RAB12: variants seen among roughly 807,000 people sequenced by gnomAD.
The protein encoded by RAB12 is ras-related protein Rab-12.
Under a neutral mutation model 28.4 loss-of-function variants are expected in RAB12, and 11 were observed. The ratio of observed to expected loss-of-function variants is 0.39; its 90% CI spans 0.24 to 0.64. RAB12 has a LOEUF of 0.64. Among genes scored for constraint, RAB12 ranks in the 30% least tolerant of loss-of-function variants. The probability of loss-of-function intolerance (pLI) is 0.50; values close to 1 mark genes in which losing one functional copy is unlikely to be tolerated. For synonymous variants in RAB12, 138 were observed against 145.3 expected (o/e 0.95, Z 0.36); for missense variants, 276 against 351.1 (o/e 0.79, Z 1.71).
At chr18:8,623,769 A>G (rs1042655864) in intron 1 of RAB12, among the ~76,000 whole-genome samples, 1 of 152,262 alleles carries the variant, frequency 6.6e-6, no homozygotes, top group African/African-American at 2.4e-5. Flanking sequence ...AAGAATTGAC[A>G]TGGAGTAGTG....
intron 1 of RAB12, among the ~76,000 whole-genome samples, chr18:8,623,000 T>C (rs1213657939): frequency 6.6e-6 from 1 of 152,202 alleles, no homozygotes; most frequent in Non-Finnish European, 1.5e-5. Context: ...CCCTGAACAT[T>C]GCTGTTATCC....
chr18:8,634,906 T>C (rs547602154), intron 3 of RAB12, among the ~76,000 whole-genome samples: 1 of 152,374 alleles, frequency 6.6e-6, no homozygotes, highest in East Asian at 1.9e-4. Flanking sequence ...ATTGTACCTA[T>C]ATGTATTTTT....
chr18:8,627,202 G>A (rs1028449637), intron 2 of RAB12, among the ~76,000 whole-genome samples: 1 of 152,206 alleles, frequency 6.6e-6, no homozygotes, highest in African/African-American at 2.4e-5. Context: ...GCTTTGTTGT[G>A]GGCGTGTTGT....
chr18:8,630,462 C>T (rs1429379477), intron 2 of RAB12, among the ~76,000 whole-genome samples: 4 of 152,172 alleles, frequency 2.6e-5, no homozygotes, highest in South Asian at 4.1e-4. Flanking sequence ...AGAGACTAAA[C>T]GTTTCTTACC....
chr18:8,636,146 A>G (rs2096018764), intron 4 of RAB12, 107 bp from the exon 5 acceptor site: 2 of 730,002 alleles, frequency 2.7e-6, no homozygotes, highest in Non-Finnish European at 4.9e-6. Flanking sequence ...GGGACTTTCT[A>G]CCCCTTAATC....
At chr18:8,626,026 A>T (rs556735613) in intron 2 of RAB12, among the ~76,000 whole-genome samples, 32 of 152,324 alleles carry the variant, frequency 2.1e-4, no homozygotes, top group Non-Finnish European at 3.8e-4. Flanking sequence ...CCTTCACTGT[A>T]TAACACACTT....
chr18:8,638,153 C>T lies in RAB12; in HGVS notation c.914C>T (p.Pro305Leu). 1 of 1,608,472 alleles carries T rather than the reference C, an allele frequency of 6.2e-7. No individual in the cohort carries two copies. Among genetic ancestry groups the T allele is most frequent in the Non-Finnish European group, 8.5e-7 (1 of 1,175,392 alleles). ...TTTTGTTTGTTTATACGTTAGATGC[C>T]TCTGGATATTTTAAGGAATGAGTTG... is the stretch of plus-strand genomic sequence containing the variant. The part of the protein sequence containing the change: ...KLVDDILKKM[P>L]LDILRNELSN... The change falls in exon 6 of 6, where the codon CCT (proline) becomes CTT (leucine). Residue 305 changes from proline to leucine, a missense_variant. Pro to Leu is a moderately conservative substitution (Grantham distance 98). Coordinates refer to ENST00000649141, the MANE Select transcript of RAB12 (RefSeq NM_001025300.3).
chr18:8,630,526 G>C (rs1486755090), intron 2 of RAB12, among the ~76,000 whole-genome samples: 1 of 152,172 alleles, frequency 6.6e-6, no homozygotes, highest in African/African-American at 2.4e-5. Context: ...AGGAATGTCT[G>C]ACCCCCACTG....
At position 8,638,998 on chromosome 18, in the gene RAB12, CAA is replaced by C. The variant is rs935563481; in HGVS notation, c.*738_*739del. 1 of 152,070 alleles carries C rather than the reference CAA, an allele frequency of 6.6e-6. No individual in the cohort carries two copies. The highest frequency in any genetic ancestry group is 2.4e-5 in the African/African-American group (1 of 41,414). 9.4% of individuals were successfully genotyped at this position (152,070 alleles called of 1,614,324 possible). A position where few individuals can be genotyped will look rare whatever the true frequency, so the allele number is the denominator to read the frequency against. ...TTTTAAAACACGCTGCTGTCCTAAA[CAA>C]ATCCTGTTTAAAGGAATTTTAAAGA... On this transcript the variant is annotated 3_prime_UTR_variant, in exon 6 of 6. Transcript: ENST00000649141.
intron 1 of RAB12, among the ~76,000 whole-genome samples, chr18:8,620,136 CTTCTTTTTTTTTT>C (rs1239948502): frequency 9.9e-5 from 2 of 20,230 alleles, no homozygotes; most frequent in South Asian, 1.2e-3. Flanking sequence ...TTTTTTTCTT[CTTCTTTTTTTTTT>C]TTTTTTTTTT....
At chr18:8,623,561 A>G (rs2096011084) in intron 1 of RAB12, among the ~76,000 whole-genome samples, 1 of 152,226 alleles carries the variant, frequency 6.6e-6, no homozygotes, top group Non-Finnish European at 1.5e-5. Context: ...GTGTCACTTG[A>G]AATTGCAGTT....
At chr18:8,633,071 G>T in intron 2 of RAB12, 118 bp from the exon 3 acceptor site, 1 of 1,255,674 alleles carries the variant, frequency 8.0e-7, no homozygotes, top group Non-Finnish European at 1.1e-6. Flanking sequence ...GGAAATAGGG[G>T]TTACTCTCGT....
intron 1 of RAB12, among the ~76,000 whole-genome samples, chr18:8,616,963 A>G (rs1007119161): frequency 6.6e-6 from 1 of 152,068 alleles, no homozygotes; most frequent in African/African-American, 2.4e-5. Context: ...CTCCTTGGCC[A>G]CCACTGTCTT....
At chr18:8,626,224 G>C (rs564362303) in intron 2 of RAB12, among the ~76,000 whole-genome samples, 1 of 152,306 alleles carries the variant, frequency 6.6e-6, no homozygotes, top group East Asian at 1.9e-4. Context: ...GCTTTTAAAC[G>C]CTGGAAATGG....
chr18:8,631,434 T>C (rs1162918979), intron 2 of RAB12, among the ~76,000 whole-genome samples: 1 of 152,172 alleles, frequency 6.6e-6, no homozygotes, highest in East Asian at 1.9e-4. Flanking sequence ...AGCCAAGTCA[T>C]GGGGCCAAGA....
intron 2 of RAB12, 76 bp downstream of exon 2, chr18:8,625,074 T>C (rs756120953): frequency 1.2e-5 from 11 of 936,310 alleles, no homozygotes; most frequent in Non-Finnish European, 1.8e-5. Flanking sequence ...TAAAATGAAC[T>C]GTTTGAGCTG....
At chr18:8,611,326 A>C (rs1375626678) in intron 1 of RAB12, among the ~76,000 whole-genome samples, 4 of 152,242 alleles carry the variant, frequency 2.6e-5, no homozygotes, top group African/African-American at 9.6e-5. Flanking sequence ...TAGAATTGTC[A>C]ATATTTTATG....
rs192270767 is a variant in RAB12, at chr18:8,626,416, C to G, written c.575+1418C>G. Among the ~76,000 whole-genome samples the G allele has an allele frequency of 9.2e-5, 14 of 152,354 alleles. No individual in the cohort carries two copies. In the East Asian group the frequency reaches 2.5e-3, roughly 27 times the overall value. On this transcript the variant is annotated intron_variant, in intron 2 of 5. Transcript: ENST00000649141. ...CATTATTAGAATGTGTGACGCCTGC[C>G]TTGGTGACAGCCATGCCTGATGACT...
intron 5 of RAB12, among the ~76,000 whole-genome samples, chr18:8,637,808 C>T (rs1021163515): frequency 6.6e-6 from 1 of 151,896 alleles, no homozygotes; most frequent in South Asian, 2.1e-4. Flanking sequence ...TTAAAGTAAG[C>T]TAGAGAAAAG....
Sources: allele counts gnomAD v4.1 joint callset (sites outside exome capture counted in the v4.1 genomes callset), GRCh38; gene constraint gnomAD v4.1.1; transcripts MANE v1.5; gene names NCBI Gene and HGNC (gene_info 2026-07-23, HGNC 2026-07-21).